Variants in HHAT observed in about 807,000 individuals in gnomAD.
HHAT encodes protein-cysteine N-palmitoyltransferase HHAT.
Under a neutral mutation model 70.8 loss-of-function variants are expected in HHAT, and 47 were observed. That is an observed-to-expected ratio of 0.66 (90% confidence interval 0.53 to 0.85). The LOEUF is 0.85. Among genes scored for constraint, HHAT ranks in the 40% least tolerant of loss-of-function variants. HHAT has a pLI of 0.00. For missense variants in HHAT, 609 were observed against 604.8 expected (o/e 1.01, Z -0.07); for synonymous variants, 228 against 247.6 (o/e 0.92, Z 0.74).
At chr1:210,331,535 A>G (rs966492291) in intron 1 of HHAT, among the ~76,000 whole-genome samples, 6 of 152,216 alleles carry the variant, frequency 3.9e-5, no homozygotes, top group African/African-American at 9.6e-5. Flanking sequence ...GACAAAGTCA[A>G]TTCACCTGGC....
chr1:210,669,065 G>T (rs1253716911), intron 11 of HHAT, among the ~76,000 whole-genome samples: 1 of 152,152 alleles, frequency 6.6e-6, no homozygotes, highest in Non-Finnish European at 1.5e-5. Flanking sequence ...GAGCCACCGC[G>T]CCTGGCCACA....
intron 8 of HHAT, among the ~76,000 whole-genome samples, chr1:210,486,969 C>A (rs182447269): frequency 1.3e-5 from 2 of 152,254 alleles, no homozygotes; most frequent in East Asian, 1.9e-4. Flanking sequence ...TAATGAAGTC[C>A]CCAGTCACTC....
chr1:210,413,782 C>T (rs1245061519), intron 6 of HHAT, among the ~76,000 whole-genome samples: 1 of 152,188 alleles, frequency 6.6e-6, no homozygotes. Context: ...CACTACTGCT[C>T]AGCTATTCTT....
At chr1:210,658,729 C>T (rs549489542) in intron 11 of HHAT, among the ~76,000 whole-genome samples, 8 of 152,324 alleles carry the variant, frequency 5.3e-5, no homozygotes, top group Non-Finnish European at 8.8e-5. Flanking sequence ...GAAATCACAA[C>T]GAACTGTCTC....
chr1:210,559,733 G>C (rs539374727), intron 9 of HHAT, among the ~76,000 whole-genome samples: 50 of 152,066 alleles, frequency 3.3e-4, no homozygotes, highest in African/African-American at 1.2e-3. Context: ...TATGCTGGCT[G>C]CTCTATGGAT....
At chr1:210,454,103 G>A (rs978033365) in intron 7 of HHAT, among the ~76,000 whole-genome samples, 1 of 152,162 alleles carries the variant, frequency 6.6e-6, no homozygotes, top group Non-Finnish European at 1.5e-5. Flanking sequence ...ACTGGCCCCC[G>A]TGATTCATTT....
At chr1:210,622,633 C>T (rs890609534) in intron 10 of HHAT, among the ~76,000 whole-genome samples, 4 of 152,158 alleles carry the variant, frequency 2.6e-5, no homozygotes, top group Non-Finnish European at 4.4e-5. Context: ...TCAGGCACGC[C>T]GATACACTTC....
chr1:210,604,362 A>G (rs751843514), intron 10 of HHAT, among the ~76,000 whole-genome samples: 2 of 151,974 alleles, frequency 1.3e-5, no homozygotes, highest in Non-Finnish European at 2.9e-5. Flanking sequence ...CTGGGATTAC[A>G]GGCCTGAGTC....
intron 3 of HHAT, among the ~76,000 whole-genome samples, chr1:210,380,700 G>A (rs2090566961): frequency 6.6e-6 from 1 of 152,136 alleles, no homozygotes; most frequent in Non-Finnish European, 1.5e-5. Flanking sequence ...AGGCTTGCCT[G>A]AGCTGAGACC....
chr1:210,652,649 A>T (rs1361518592), intron 11 of HHAT, among the ~76,000 whole-genome samples: 3 of 152,210 alleles, frequency 2.0e-5, no homozygotes, highest in Non-Finnish European at 2.9e-5. Flanking sequence ...CTGGTGCAGT[A>T]TTAACTGCCT....
intron 9 of HHAT, among the ~76,000 whole-genome samples, chr1:210,571,034 A>C (rs1656158872): frequency 6.6e-6 from 1 of 152,174 alleles, no homozygotes; most frequent in African/African-American, 2.4e-5. Flanking sequence ...AGGCTCTCCC[A>C]ATCTCCTGGC....
chr1:210,584,535 C>T (rs114926660), intron 9 of HHAT, among the ~76,000 whole-genome samples: 2,012 of 152,188 alleles, frequency 0.013, 48 homozygotes, highest in African/African-American at 0.046. Flanking sequence ...ACACCAATGA[C>T]CAAGCAGCCT....
chr1:210,513,499 GT>G, intron 9 of HHAT, among the ~76,000 whole-genome samples: 1 of 152,298 alleles, frequency 6.6e-6, no homozygotes, highest in East Asian at 1.9e-4. Flanking sequence ...GTATTCAGAC[GT>G]TAAACAACCC....
At chr1:210,402,161 C>G (rs922187302) in intron 5 of HHAT, among the ~76,000 whole-genome samples, 1 of 152,208 alleles carries the variant, frequency 6.6e-6, no homozygotes, top group African/African-American at 2.4e-5. Context: ...ATGGCAAGAA[C>G]ACAAGTCCAA....
chr1:210,501,389 T>C (rs557127090), intron 8 of HHAT, among the ~76,000 whole-genome samples: 8 of 152,316 alleles, frequency 5.3e-5, no homozygotes, highest in African/African-American at 1.7e-4. Flanking sequence ...ATCGGTTGCA[T>C]TGGAGTTTGG....
At chr1:210,511,344 G>A (rs2094948695) in intron 8 of HHAT, among the ~76,000 whole-genome samples, 1 of 152,148 alleles carries the variant, frequency 6.6e-6, no homozygotes, top group Non-Finnish European at 1.5e-5. Flanking sequence ...AGTAAATGAG[G>A]TCTGTCATGT....
chr1:210,608,638 T>C (rs1387911856), intron 10 of HHAT, among the ~76,000 whole-genome samples: 1 of 152,190 alleles, frequency 6.6e-6, no homozygotes, highest in East Asian at 1.9e-4. Context: ...TTAATTGTAG[T>C]ATGATTTGAG....
intron 8 of HHAT, among the ~76,000 whole-genome samples, chr1:210,484,439 T>A (rs1364460060): frequency 6.6e-6 from 1 of 152,140 alleles, no homozygotes; most frequent in Non-Finnish European, 1.5e-5. Flanking sequence ...AGATGTTAAT[T>A]TTCATCATCC....
At chr1:210,520,510 C>G (rs1047832646) in intron 9 of HHAT, among the ~76,000 whole-genome samples, 2 of 145,338 alleles carry the variant, frequency 1.4e-5, no homozygotes, top group Non-Finnish European at 2.9e-5. Flanking sequence ...TTTTATCTTT[C>G]TCATTTGTGT....
Sources: allele counts gnomAD v4.1 joint callset (sites outside exome capture counted in the v4.1 genomes callset), GRCh38; gene constraint gnomAD v4.1.1; transcripts MANE v1.5; gene names NCBI Gene and HGNC (gene_info 2026-07-23, HGNC 2026-07-21).